The following DAB1 variants were observed in gnomAD, a reference collection of about 807,000 sequenced individuals.
DAB1 encodes the protein disabled homolog 1.
Under a neutral mutation model 64.6 loss-of-function variants are expected in DAB1, and 15 were observed. The observed-to-expected ratio is 0.23, with a 90% CI of 0.16 to 0.36. DAB1 has a LOEUF of 0.36. Ranked by LOEUF, DAB1 falls within the 10% of genes least tolerant of loss-of-function variation. DAB1 has a pLI of 1.00. For missense variants in DAB1, 596 were observed against 706.7 expected, an observed-to-expected ratio of 0.84 and a Z score of 1.78; for synonymous variants, 235 against 251.9, an observed-to-expected ratio of 0.93 and a Z score of 0.64.
At position 57,003,568 on chromosome 1, in the gene DAB1, C is replaced by T. The variant is rs115878142; in HGVS notation, c.*16-5440G>A. Among the ~76,000 whole-genome samples, 544 of 152,124 alleles carry T rather than the reference C, an allele frequency of 3.6e-3. 3 individuals are homozygous for T. The highest frequency in any genetic ancestry group is 0.011 in the African/African-American group (447 of 41,474). On this transcript the variant is annotated intron_variant, in intron 14 of 14. Coordinates refer to ENST00000371236, the MANE Select transcript of DAB1 (RefSeq NM_001365792.1). ...AACATAACCTTTGCCATTTTAACCACGTTTAAGTGTACAATTCAGCAGCAT... is the reference window on the plus strand; with the variant it reads ...AACATAACCTTTGCCATTTTAACCATGTTTAAGTGTACAATTCAGCAGCAT...
intron 5 of DAB1, among the ~76,000 whole-genome samples, chr1:57,951,044 T>C (rs958622989): frequency 6.6e-6 from 1 of 152,104 alleles, no homozygotes; most frequent in Non-Finnish European, 1.5e-5. Flanking sequence ...AGTACGCTAC[T>C]CTGATCAGGA....
rs186637695 is a variant in DAB1 at position 57,473,120 on chromosome 1, C to T, written n.625+176472G>A. On this transcript the variant is annotated intron_variant and non_coding_transcript_variant, in intron 7 of 20. Coordinates refer to the DAB1 transcript ENST00000485760. ...GTCATCACCATGATTGTATGTATAG[C>T]GGAGGCAATGTAGTCAAGAGCCAGT... Among the ~76,000 whole-genome samples, 75 of 152,274 alleles carry T rather than the reference C, an allele frequency of 4.9e-4. 3 individuals are homozygous for T. In the East Asian group the frequency reaches 8.1e-3, roughly 16 times the overall value.
chr1:57,339,602 G>A (rs1419885259), intron 1 of DAB1, among the ~76,000 whole-genome samples: 1 of 152,170 alleles, frequency 6.6e-6, no homozygotes, highest in Non-Finnish European at 1.5e-5. Flanking sequence ...AATGATTTCA[G>A]GCTGACACAT....
At chr1:58,232,128 G>T (rs975764649) in intron 4 of DAB1, among the ~76,000 whole-genome samples, 1 of 152,166 alleles carries the variant, frequency 6.6e-6, no homozygotes, top group Non-Finnish European at 1.5e-5. Flanking sequence ...AGCATGTTCA[G>T]TTGTCGCAAT....
At chr1:58,533,499 T>A (rs1221136649) in intron 1 of DAB1, among the ~76,000 whole-genome samples, 8 of 152,198 alleles carry the variant, frequency 5.3e-5, no homozygotes, top group Non-Finnish European at 1.2e-4. Flanking sequence ...TCTGTATTAA[T>A]TACACATGAC....
At chr1:57,408,968 A>C (rs1000590707) in intron 1 of DAB1, among the ~76,000 whole-genome samples, 1 of 152,154 alleles carries the variant, frequency 6.6e-6, no homozygotes. Flanking sequence ...AGGGGAAGAC[A>C]GGGTATTTAT....
At position 57,011,290 on chromosome 1, in the gene DAB1, A is replaced by G. The variant is rs188733717; in HGVS notation, c.1445-18T>C. 6,839 of 1,609,916 alleles carry G rather than the reference A, an allele frequency of 4.2e-3. 18 individuals carry two copies. The highest frequency in any genetic ancestry group is 5.4e-3 in the Non-Finnish European group (6,416 of 1,178,612). ...GGTTGGAGCTACACAGAGACCACAG[A>G]AAAAGAGACATCTTAAGTGCCTGGC... is the stretch of plus-strand genomic sequence containing the variant. On this transcript the variant is annotated intron_variant, in intron 12 of 14. Transcript: ENST00000371236.
intron 3 of DAB1, among the ~76,000 whole-genome samples, chr1:58,450,678 C>T (rs995430071): frequency 4.6e-5 from 7 of 152,130 alleles, no homozygotes; most frequent in South Asian, 2.1e-4. Flanking sequence ...GGCGTGAACC[C>T]GGGAGGCGGA....
chr1:58,214,968 T>C (rs1300436844), intron 4 of DAB1, among the ~76,000 whole-genome samples: 1 of 152,180 alleles, frequency 6.6e-6, no homozygotes, highest in African/African-American at 2.4e-5. Context: ...ATTTTCAGCA[T>C]GGGCAGGTTT....
chr1:57,179,666 T>C (rs1212749229), intron 2 of DAB1, among the ~76,000 whole-genome samples: 3 of 152,202 alleles, frequency 2.0e-5, no homozygotes, highest in Non-Finnish European at 4.4e-5. Context: ...ATAAATCACC[T>C]AGAATGCTCC....
At chr1:57,030,095 G>C (rs1474049152) in intron 9 of DAB1, among the ~76,000 whole-genome samples, 3 of 152,094 alleles carry the variant, frequency 2.0e-5, no homozygotes, top group African/African-American at 4.8e-5. Context: ...AGGGACCCAG[G>C]GGGAGTTAAT....
intron 4 of DAB1, among the ~76,000 whole-genome samples, chr1:58,230,857 G>C (rs2100350774): frequency 6.6e-6 from 1 of 152,284 alleles, no homozygotes; most frequent in South Asian, 2.1e-4. Flanking sequence ...GCTCTGCAAG[G>C]TAGGAATTAC....
chr1:57,949,687 A>G (rs1645242901), intron 5 of DAB1, among the ~76,000 whole-genome samples: 1 of 152,098 alleles, frequency 6.6e-6, no homozygotes, highest in South Asian at 2.1e-4. Context: ...TTCTCACCCA[A>G]CATTATTTTT....
rs1367322464 is a variant in DAB1 at position 57,393,225 on chromosome 1, G to A, written c.-137+30705C>T. Among the ~76,000 whole-genome samples, 3 of 152,148 alleles carry A rather than the reference G, an allele frequency of 2.0e-5. No individual in the cohort carries two copies. The South Asian group carries it at 6.2e-4, about 32-fold the overall frequency. On this transcript the variant is annotated intron_variant, in intron 1 of 14. Coordinates refer to ENST00000371236, the MANE Select transcript of DAB1 (RefSeq NM_001365792.1). Reference sequence around the variant, plus strand: ...AGGACCTAACTCATAGGGGTGTTATGACAGCTAAATGAGCATTTAGAGTAA... The same window carrying A: ...AGGACCTAACTCATAGGGGTGTTATAACAGCTAAATGAGCATTTAGAGTAA...
Position 57,670,707 on chromosome 1 carries a change from T to C in DAB1, n.552-21042A>G, listed in dbSNP as rs541552441. ...AAACTATACTCAGGTAGCCAGTGAA[T>C]ACAAGGAAGAATGGTGCTAGCCATT... On this transcript the variant is annotated intron_variant and non_coding_transcript_variant, in intron 6 of 20. Coordinates refer to the DAB1 transcript ENST00000485760. Among the ~76,000 whole-genome samples the C allele has an allele frequency of 2.0e-5, 3 of 152,238 alleles. No homozygotes were observed. In the South Asian group the frequency reaches 6.2e-4, roughly 32 times the overall value.
At chr1:57,457,295 C>G (rs929878457) in intron 7 of DAB1, among the ~76,000 whole-genome samples, 1 of 152,100 alleles carries the variant, frequency 6.6e-6, no homozygotes, top group Non-Finnish European at 1.5e-5. Context: ...AGATACAGAT[C>G]TGTTAGAGAA....
chr1:58,194,350 A>C lies in DAB1; in HGVS notation n.310-43762T>G, dbSNP rs76709334. Among the ~76,000 whole-genome samples the C allele has an allele frequency of 9.4e-3, 1,438 of 152,340 alleles. 41 individuals carry two copies. The highest frequency in any genetic ancestry group is 0.08 in the East Asian group (416 of 5,182). On this transcript the variant is annotated intron_variant and non_coding_transcript_variant, in intron 4 of 20. Transcript: ENST00000485760. ...ATTATGATGAACATAGTTATTATGA[A>C]CATTAAATGTGATAATCTGTAAAAT... is the stretch of plus-strand genomic sequence containing the variant.
intron 4 of DAB1, among the ~76,000 whole-genome samples, chr1:58,284,072 C>T (rs534370969): frequency 6.6e-6 from 1 of 152,314 alleles, no homozygotes; most frequent in African/African-American, 2.4e-5. Context: ...TCTGGCAAGC[C>T]ATCCAACAGA....
chr1:57,486,195 A>G (rs1644089869), intron 7 of DAB1, among the ~76,000 whole-genome samples: 1 of 152,250 alleles, frequency 6.6e-6, no homozygotes, highest in South Asian at 2.1e-4. Flanking sequence ...TGTGCAATTT[A>G]CAAACATTTG....
Sources: gnomAD v4.1 joint callset for allele counts (sites outside exome capture counted in the v4.1 genomes callset) on GRCh38, gnomAD v4.1.1 for gene constraint, MANE v1.5 for transcripts, NCBI Gene and HGNC (gene_info 2026-07-23, HGNC 2026-07-21) for gene names.